Variants in PTPN11 observed in about 807,000 individuals in gnomAD.
The protein encoded by PTPN11 is tyrosine-protein phosphatase non-receptor type 11.
In PTPN11, 6 loss-of-function variants were observed where a neutral mutation model predicts 78.8. That is an observed-to-expected ratio of 0.08 (90% CI 0.04 to 0.15). The LOEUF (loss-of-function observed/expected upper bound fraction) is 0.15, where lower values mean the gene tolerates loss of function less well. PTPN11 is among the 10% of genes least tolerant of loss of function. The pLI, the probability that PTPN11 is intolerant of heterozygous loss-of-function variation, is 1.00. For missense variants in PTPN11, 386 were observed against 744.8 expected, an observed-to-expected ratio of 0.52 and a Z score of 5.61; for synonymous variants, 221 against 263.5, an observed-to-expected ratio of 0.84 and a Z score of 1.56.
At chr12:112,474,014 C>T (rs142844369) in intron 7 of PTPN11, among the ~76,000 whole-genome samples, 4 of 151,722 alleles carry the variant, frequency 2.6e-5, no homozygotes, top group South Asian at 4.2e-4. Context: ...TCCTGATTAG[C>T]TGGGACAATA....
chr12:112,503,056 G>A (rs1351056544), intron 14 of PTPN11, among the ~76,000 whole-genome samples: 1 of 152,216 alleles, frequency 6.6e-6, no homozygotes, highest in Non-Finnish European at 1.5e-5. Context: ...AGCTCACAAG[G>A]CCAGATGTGG....
rs1200736280 is a variant in PTPN11, at chr12:112,506,254, G to A, written c.*462G>A. ...TTAAGTAACAACGACCTAGAAAAGTGAGAACAATCTCATTTACCATCATGT... is the reference window on the plus strand; with the variant it reads ...TTAAGTAACAACGACCTAGAAAAGTAAGAACAATCTCATTTACCATCATGT... On this transcript the variant is annotated 3_prime_UTR_variant, in exon 16 of 16. Coordinates refer to ENST00000351677, the MANE Select transcript of PTPN11 (RefSeq NM_002834.5). 6.6e-6 allele frequency: 1 copy of A among 152,092 alleles called. No individual in the cohort carries two copies. The highest frequency in any genetic ancestry group is 1.5e-5 in the Non-Finnish European group (1 of 68,010). The allele number at this position is 152,092 out of a possible 1,614,324, so 9.4% of individuals were successfully genotyped here. A position where few individuals can be genotyped will look rare whatever the true frequency, so the allele number is the denominator to read the frequency against.
chr12:112,437,212 A>T (rs1319615462), intron 1 of PTPN11, among the ~76,000 whole-genome samples: 1 of 152,038 alleles, frequency 6.6e-6, no homozygotes, highest in Non-Finnish European at 1.5e-5. Context: ...GTGCAGTGGA[A>T]TGATCTTGGC....
chr12:112,478,530 C>T (rs2038545824), intron 9 of PTPN11, among the ~76,000 whole-genome samples: 1 of 152,070 alleles, frequency 6.6e-6, no homozygotes, highest in African/African-American at 2.4e-5. Flanking sequence ...TTTTTTCTCC[C>T]CGTGTTTCAT....
intron 6 of PTPN11, chr12:112,457,580 G>C (rs936549920): frequency 3.3e-5 from 5 of 152,762 alleles, no homozygotes; most frequent in African/African-American, 9.6e-5. Context: ...CTAGATCCTT[G>C]AGGAGTCACC....
rs547912376 is a variant in PTPN11 at position 112,482,305 on chromosome 12, C to T, written c.1224+100C>T. 21 of 1,359,154 alleles carry T rather than the reference C, an allele frequency of 1.5e-5. No individual in the cohort carries two copies. Among genetic ancestry groups the T allele is most frequent in the South Asian group, 9.5e-5 (8 of 84,634 alleles). The allele number at this position is 1,359,154 out of a possible 1,614,324, so 84.2% of individuals were successfully genotyped here. ...TCATGTTTGCATACATGCATGCATT[C>T]GCTCACTCATTGATTCAGTAGCCAT... is the stretch of plus-strand genomic sequence containing the variant. On this transcript the variant is annotated intron_variant, in intron 10 of 15. Coordinates refer to ENST00000351677, the MANE Select transcript of PTPN11 (RefSeq NM_002834.5). This position sits in a 1 kb window ranked among gnomAD's most constrained non-coding sequence, Gnocchi z 4.4.
At chr12:112,461,338 C>CTT (rs559792080) in intron 6 of PTPN11, among the ~76,000 whole-genome samples, 129 of 140,504 alleles carry the variant, frequency 9.2e-4, no homozygotes, top group Middle Eastern at 7.4e-3. Flanking sequence ...TTTTCTTTTT[C>CTT]TTTTTTTTTT....
chr12:112,440,874 A>G (rs910270055), intron 1 of PTPN11, among the ~76,000 whole-genome samples: 2 of 149,678 alleles, frequency 1.3e-5, no homozygotes, highest in African/African-American at 4.9e-5. Context: ...CCGGGCCCAG[A>G]CTCAATCTTC....
At chr12:112,497,802 A>C (rs1005283553) in intron 13 of PTPN11, among the ~76,000 whole-genome samples, 2 of 152,240 alleles carry the variant, frequency 1.3e-5, no homozygotes, top group African/African-American at 4.8e-5. Flanking sequence ...TGTAGACTTT[A>C]TTTGGAGGGA....
At chr12:112,433,566 C>T (rs1195532291) in intron 1 of PTPN11, among the ~76,000 whole-genome samples, 1 of 152,084 alleles carries the variant, frequency 6.6e-6, no homozygotes, top group Non-Finnish European at 1.5e-5. Context: ...TTTGTAATAA[C>T]AAAAAACCAG....
intron 6 of PTPN11, among the ~76,000 whole-genome samples, chr12:112,466,435 A>G (rs981915095): frequency 2.0e-5 from 3 of 152,360 alleles, no homozygotes. Context: ...GCAGTGGCTC[A>G]TGCCTACAAT....
intron 1 of PTPN11, among the ~76,000 whole-genome samples, chr12:112,427,342 C>A (rs930173903): frequency 6.6e-6 from 1 of 151,668 alleles, no homozygotes; most frequent in Non-Finnish European, 1.5e-5. Context: ...GTCAGGAGAT[C>A]GAGACCATCC....
At chr12:112,452,201 C>G (rs1236992207) in intron 3 of PTPN11, among the ~76,000 whole-genome samples, 2 of 151,592 alleles carry the variant, frequency 1.3e-5, no homozygotes, top group Non-Finnish European at 1.5e-5. Flanking sequence ...ATTACAACTT[C>G]TTTATTTTGA....
At chr12:112,500,245 AAAC>A (rs1001997732) in intron 13 of PTPN11, among the ~76,000 whole-genome samples, 4 of 152,308 alleles carry the variant, frequency 2.6e-5, no homozygotes, top group South Asian at 4.1e-4. Flanking sequence ...TCCATCTCAA[AAAC>A]AACAACAACA....
At chr12:112,427,563 A>T (rs1206760419) in intron 1 of PTPN11, among the ~76,000 whole-genome samples, 2 of 151,058 alleles carry the variant, frequency 1.3e-5, no homozygotes, top group Admixed American at 1.3e-4. Flanking sequence ...AAAAATCTAT[A>T]TATCTATATA....
rs554487214 is a variant in PTPN11 at position 112,418,991 on chromosome 12, G to C, written c.-121G>C. On this transcript the variant is annotated 5_prime_UTR_variant, in exon 1 of 16. Coordinates refer to ENST00000351677, the MANE Select transcript of PTPN11 (RefSeq NM_002834.5). ...CCTGGAGGGGGGTCTGTGCGCGGCC[G>C]GCTGGCTCTGCCCCGCGTCCGGTCC... The C allele has an allele frequency of 3.1e-6, 4 of 1,305,638 alleles. No individual in the cohort carries two copies. Among genetic ancestry groups the C allele is most frequent in the African/African-American group, 1.5e-5 (1 of 66,028 alleles). 80.9% of individuals were successfully genotyped at this position (1,305,638 alleles called of 1,614,324 possible).
intron 1 of PTPN11, among the ~76,000 whole-genome samples, chr12:112,431,309 T>C (rs1015382894): frequency 6.6e-6 from 1 of 152,132 alleles, no homozygotes; most frequent in African/African-American, 2.4e-5. Context: ...GGTGGGAGGA[T>C]TGCTTGAGCC....
chr12:112,442,861 T>TAA (rs1424975166), intron 1 of PTPN11, among the ~76,000 whole-genome samples: 2 of 79,668 alleles, frequency 2.5e-5, no homozygotes, highest in Non-Finnish European at 4.5e-5. Flanking sequence ...TATATATATA[T>TAA]ATATATATAT....
At chr12:112,452,237 A>T (rs982220673) in intron 3 of PTPN11, among the ~76,000 whole-genome samples, 2 of 150,658 alleles carry the variant, frequency 1.3e-5, no homozygotes, top group Non-Finnish European at 3.0e-5. Context: ...TTATTTATTT[A>T]TTTTTTTTGA....
Sources: gnomAD v4.1 joint callset for allele counts (sites outside exome capture counted in the v4.1 genomes callset) on GRCh38, gnomAD v4.1.1 for gene constraint, Gnocchi (gnomAD v3.1) non-coding constraint, MANE v1.5 for transcripts, NCBI Gene and HGNC (gene_info 2026-07-23, HGNC 2026-07-21) for gene names.